C12orf43: variants seen among roughly 807,000 people sequenced by gnomAD.
C12orf43 encodes chromosome 12 open reading frame 43.
Under a neutral mutation model 20.6 loss-of-function variants are expected in C12orf43, and 15 were observed. The ratio of observed to expected loss-of-function variants is 0.73; its 90% CI spans 0.49 to 1.12. The LOEUF (loss-of-function observed/expected upper bound fraction) is 1.12, where lower values mean the gene tolerates loss of function less well. C12orf43 is among the 50% of genes most tolerant of loss of function. The pLI, the probability that C12orf43 is intolerant of heterozygous loss-of-function variation, is 0.00. For synonymous variants in C12orf43, 144 were observed against 130.8 expected (o/e 1.10, Z -0.69); for missense variants, 334 against 344.4 (o/e 0.97, Z 0.24).
chr12:121,004,160 G>T lies in C12orf43; in HGVS notation c.782C>A (p.Ala261Glu). The part of the protein sequence containing the change: ...PPAKSATAIP[A>E]N ...CTGTGCCCATGGCTGGGTTCAGTTTGCAGGTATAGCTGTAGCACTCTTTGC... is the reference window on the plus strand; with the variant it reads ...CTGTGCCCATGGCTGGGTTCAGTTTTCAGGTATAGCTGTAGCACTCTTTGC... Residue 261 changes from alanine (A) to glutamate (E), a missense_variant, in exon 6 of 6, where the codon GCA becomes GAA. Physicochemically the swap from Ala to Glu is moderately radical, Grantham distance 107. Transcript: ENST00000288757. This position sits in a 1 kb window ranked among gnomAD's most constrained non-coding sequence, Gnocchi z 5.6. The T allele has an allele frequency of 6.2e-7, 1 of 1,614,208 alleles. No homozygotes were observed. Among genetic ancestry groups the T allele is most frequent in the Non-Finnish European group, 8.5e-7 (1 of 1,180,026 alleles).
At position 121,004,078 on chromosome 12, in the gene C12orf43, G is replaced by A; in HGVS notation, c.*75C>T. 6.7e-7 allele frequency: 1 copy of A among 1,502,300 alleles called. No individual in the cohort carries two copies. The allele number at this position is 1,502,300 out of a possible 1,614,324, so 93.1% of individuals were successfully genotyped here. On this transcript the variant is annotated 3_prime_UTR_variant, in exon 6 of 6. Coordinates refer to ENST00000288757, the MANE Select transcript of C12orf43 (RefSeq NM_022895.3). The surrounding 1 kb of genome is among the most constrained non-coding windows in gnomAD (Gnocchi z 5.6). ...GAACTTGGAGAGGGAGGTGGGGCTT[G>A]GAAATGCCTTGTCCCCAGGGTGGGG...
At chr12:121,015,727 G>A (rs981588946) in intron 1 of C12orf43, among the ~76,000 whole-genome samples, 1 of 152,222 alleles carries the variant, frequency 6.6e-6, no homozygotes, top group Non-Finnish European at 1.5e-5. Flanking sequence ...TGTGACTTCT[G>A]TTGGGATAAA....
intron 1 of C12orf43, among the ~76,000 whole-genome samples, chr12:121,016,044 A>C (rs755374616): frequency 1.6e-4 from 24 of 152,168 alleles, no homozygotes; most frequent in Non-Finnish European, 2.8e-4. Context: ...GGGCTGTTGC[A>C]GTTATCTCGA....
In C12orf43 at chr12:121,006,352, A is replaced by G; in HGVS notation, c.330T>C (p.Ala110=). 1.2e-6 allele frequency: 2 copies of G among 1,614,174 alleles called. No individual in the cohort carries two copies. Among genetic ancestry groups the G allele is most frequent in the Non-Finnish European group, 1.7e-6 (2 of 1,179,996 alleles). ...ISEAAKEPAK[A]KVQKVALEDD... is the part of the protein sequence containing the mutation. ...CCTCCAAAGCGACTTTCTGTACCTT[A>G]GCTTTTGCTGGCTCCTTTGCTGCTT... Residue 110 remains alanine, a synonymous_variant, in exon 4 of 6, where the codon GCT becomes GCC. Transcript: ENST00000288757.
chr12:121,004,881 GC>G lies in C12orf43; in HGVS notation c.452+121del. The G allele has an allele frequency of 1.5e-6, 1 of 653,050 alleles. No individual in the cohort carries two copies. The highest frequency in any genetic ancestry group is 3.8e-5 in the South Asian group (1 of 26,362). The allele number at this position is 653,050 out of a possible 1,614,324, so 40.5% of individuals were successfully genotyped here. Reference sequence around the variant, plus strand: ...CGCTGAGCTCATGATTTCTCCAGCTGCCTGACAGGGCCACTGCCTTGGCCTG... The same window carrying G: ...CGCTGAGCTCATGATTTCTCCAGCTGCTGACAGGGCCACTGCCTTGGCCTG... On this transcript the variant is annotated intron_variant, in intron 5 of 5. Coordinates refer to ENST00000288757, the MANE Select transcript of C12orf43 (RefSeq NM_022895.3). The surrounding 1 kb of genome is among the most constrained non-coding windows in gnomAD (Gnocchi z 5.6).
In C12orf43 at chr12:121,001,132, A is replaced by C. The variant is rs1387763742; in HGVS notation, c.*3021T>G. On this transcript the variant is annotated 3_prime_UTR_variant, in exon 6 of 6. Coordinates refer to ENST00000288757, the MANE Select transcript of C12orf43 (RefSeq NM_022895.3). ...GCAATGGCCAGAGCCACCTGCTGCC[A>C]TCCAACCACAGCGTCATCGAGACCT... The C allele has an allele frequency of 6.2e-6, 10 of 1,614,076 alleles. No homozygotes were observed. Among genetic ancestry groups the C allele is most frequent in the South Asian group, 1.1e-5 (1 of 91,076 alleles).
In C12orf43 at chr12:121,002,754, C is replaced by T. The variant is rs768971471; in HGVS notation, c.*1399G>A. On this transcript the variant is annotated 3_prime_UTR_variant, in exon 6 of 6. Transcript: ENST00000288757. Reference sequence around the variant, plus strand: ...GGGTCTCACTGTCACCCAGGCTGGACTGCAGTGGCATTATACAGCTCACTG... The same window carrying T: ...GGGTCTCACTGTCACCCAGGCTGGATTGCAGTGGCATTATACAGCTCACTG... 26 of 299,380 alleles carry T rather than the reference C, an allele frequency of 8.7e-5. 1 individual carries two copies. The highest frequency in any genetic ancestry group is 1.7e-4 in the Non-Finnish European group (26 of 152,398). 18.5% of individuals were successfully genotyped at this position (299,380 alleles called of 1,614,324 possible).
chr12:121,002,084 TG>T lies in C12orf43; in HGVS notation c.*2068del, dbSNP rs886490031. 3.7e-5 allele frequency: 20 copies of T among 535,942 alleles called. No homozygotes were observed. The highest frequency in any genetic ancestry group is 3.0e-4 in the African/African-American group (16 of 54,032). The allele number at this position is 535,942 out of a possible 1,614,324, so 33.2% of individuals were successfully genotyped here. A position where few individuals can be genotyped will look rare whatever the true frequency, so the allele number is the denominator to read the frequency against. ...GCGCCCTGCAGACCCTGCCCTTGTT[TG>T]GGGCAGGAGTAGCTGAGCTCACAAG... On this transcript the variant is annotated 3_prime_UTR_variant, in exon 6 of 6. Coordinates refer to ENST00000288757, the MANE Select transcript of C12orf43 (RefSeq NM_022895.3).
Position 121,011,139 on chromosome 12 carries a change from T to C in C12orf43, c.153A>G (p.Ala51=), listed in dbSNP as rs756453529. The C allele has an allele frequency of 1.2e-6, 2 of 1,613,880 alleles. No homozygotes were observed. The highest frequency in any genetic ancestry group is 2.7e-5 in the African/African-American group (2 of 74,884). The change falls in exon 2 of 6, where the codon GCA becomes GCG. Residue 51 remains alanine (A), a synonymous_variant. Transcript: ENST00000288757. The part of the protein sequence containing the change: ...HVAGKPRAGA[A]NSQLSTSQPS... ...GTTGGGAGGTTGACAACTGGCTATT[T>C]GCAGCACCTGTGGAAAAATGAAAAT...
intron 1 of C12orf43, among the ~76,000 whole-genome samples, chr12:121,014,198 G>C (rs1257945574): frequency 2.0e-5 from 3 of 151,624 alleles, no homozygotes; most frequent in Admixed American, 6.6e-5. Context: ...TGGGCCTGGT[G>C]GTGGGCACCT....
Position 121,002,624 on chromosome 12 carries a change from C to A in C12orf43, c.*1529G>T. On this transcript the variant is annotated 3_prime_UTR_variant, in exon 6 of 6. Coordinates refer to ENST00000288757, the MANE Select transcript of C12orf43 (RefSeq NM_022895.3). ...AGGCTCCAGCACCCACGCTCTCACACCCCACATCTCTGCTTTTCTTGCTCT... is the reference window on the plus strand; with the variant it reads ...AGGCTCCAGCACCCACGCTCTCACAACCCACATCTCTGCTTTTCTTGCTCT... 1 of 366,724 alleles carries A rather than the reference C, an allele frequency of 2.7e-6. No homozygotes were observed. The highest frequency in any genetic ancestry group is 4.0e-5 in the Admixed American group (1 of 25,098). The allele number at this position is 366,724 out of a possible 1,614,324, so 22.7% of individuals were successfully genotyped here.
In C12orf43 at chr12:121,000,581, G is replaced by A. The variant is rs948794701; in HGVS notation, c.*3572C>T. Reference sequence around the variant, plus strand: ...CTGAAATCTGTTGCTGGCAGCTCTGGGGAGTGAATTCTGCAGCCTTGAGGC... The same window carrying A: ...CTGAAATCTGTTGCTGGCAGCTCTGAGGAGTGAATTCTGCAGCCTTGAGGC... On this transcript the variant is annotated 3_prime_UTR_variant, in exon 6 of 6. Transcript: ENST00000288757. 2.2e-5 allele frequency: 5 copies of A among 225,984 alleles called. No homozygotes were observed. The highest frequency in any genetic ancestry group is 4.6e-5 in the African/African-American group (2 of 43,604). 14.0% of individuals were successfully genotyped at this position (225,984 alleles called of 1,614,324 possible).
intron 1 of C12orf43, among the ~76,000 whole-genome samples, chr12:121,014,447 G>A (rs531331903): frequency 1.3e-5 from 2 of 151,802 alleles, no homozygotes; most frequent in South Asian, 2.1e-4. Flanking sequence ...TGGCCAACAC[G>A]GTGAAACCCT....
rs971672292 is a variant in C12orf43, at chr12:121,004,042, G to T, written c.*111C>A. 1.6e-6 allele frequency: 2 copies of T among 1,251,602 alleles called. No homozygotes were observed. Among genetic ancestry groups the T allele is most frequent in the Non-Finnish European group, 2.3e-6 (2 of 856,486 alleles). The allele number at this position is 1,251,602 out of a possible 1,614,324, so 77.5% of individuals were successfully genotyped here. A position where few individuals can be genotyped will look rare whatever the true frequency, so the allele number is the denominator to read the frequency against. On this transcript the variant is annotated 3_prime_UTR_variant, in exon 6 of 6. Coordinates refer to ENST00000288757, the MANE Select transcript of C12orf43 (RefSeq NM_022895.3). This position sits in a 1 kb window ranked among gnomAD's most constrained non-coding sequence, Gnocchi z 5.6. ...TCTCATGGGCAGTCTGGGTTTGCCA[G>T]CCCAGTCCTTGAACTTGGAGAGGGA... is the stretch of plus-strand genomic sequence containing the variant.
At chr12:121,008,972 A>T (rs1334147137) in intron 3 of C12orf43, among the ~76,000 whole-genome samples, 2 of 152,244 alleles carry the variant, frequency 1.3e-5, no homozygotes, top group Non-Finnish European at 2.9e-5. Context: ...TCTTCACTAC[A>T]GGAATTCTCA....
chr12:121,014,921 C>T (rs927399242), intron 1 of C12orf43, among the ~76,000 whole-genome samples: 1 of 151,790 alleles, frequency 6.6e-6, no homozygotes, highest in African/African-American at 2.4e-5. Context: ...TTGCAGTGAG[C>T]CATGATTGTG....
At chr12:121,007,504 G>A in intron 3 of C12orf43, among the ~76,000 whole-genome samples, 1 of 152,128 alleles carries the variant, frequency 6.6e-6, no homozygotes, top group East Asian at 1.9e-4. Context: ...GGATTGAAGG[G>A]GAAAATGGAT....
rs776562121 is a variant in C12orf43 at position 121,005,849 on chromosome 12, G to A, written c.361+472C>T. The A allele has an allele frequency of 5.5e-5, 9 of 164,038 alleles. No homozygotes were observed. The highest frequency in any genetic ancestry group is 7.9e-5 in the Non-Finnish European group (6 of 75,598). 10.2% of individuals were successfully genotyped at this position (164,038 alleles called of 1,614,324 possible). ...TAACCCCAGTACTTTGGTAGTCTGAGGCGGGAGGATAGCTTGAGGCCAGGA... is the reference window on the plus strand; with the variant it reads ...TAACCCCAGTACTTTGGTAGTCTGAAGCGGGAGGATAGCTTGAGGCCAGGA... On this transcript the variant is annotated intron_variant, in intron 4 of 5. Coordinates refer to ENST00000288757, the MANE Select transcript of C12orf43 (RefSeq NM_022895.3). The surrounding 1 kb of genome is among the most constrained non-coding windows in gnomAD (Gnocchi z 5.6).
At chr12:121,011,075 G>A (rs1431098523) in intron 2 of C12orf43, 29 bp downstream of exon 2, 4 of 1,611,740 alleles carry the variant, frequency 2.5e-6, no homozygotes, top group Non-Finnish European at 3.4e-6. Flanking sequence ...TGTTGAATAA[G>A]TGAAACTTGA....
Sources: gnomAD v4.1 joint callset for allele counts (sites outside exome capture counted in the v4.1 genomes callset) on GRCh38, gnomAD v4.1.1 for gene constraint, Gnocchi (gnomAD v3.1) non-coding constraint, MANE v1.5 for transcripts, NCBI Gene and HGNC (gene_info 2026-07-23, HGNC 2026-07-21) for gene names.